KHDRBS3: variants seen among roughly 807,000 people sequenced by gnomAD.
The protein encoded by KHDRBS3 is KH domain-containing, RNA-binding, signal transduction-associated protein 3.
Under a neutral mutation model 45.6 loss-of-function variants are expected in KHDRBS3, and 23 were observed. The ratio of observed to expected loss-of-function variants is 0.50; its 90% confidence interval spans 0.36 to 0.72. The LOEUF (loss-of-function observed/expected upper bound fraction) is 0.72, where lower values mean the gene tolerates loss of function less well. KHDRBS3 is among the 30% of genes least tolerant of loss of function. The pLI, the probability that KHDRBS3 is intolerant of heterozygous loss-of-function variation, is 0.00. For synonymous variants in KHDRBS3, 162 were observed against 156.5 expected (o/e 1.04, Z -0.26); for missense variants, 352 against 424.8 (o/e 0.83, Z 1.51).
chr8:135,607,143 T>A, intron 7 of KHDRBS3, 106 bp downstream of exon 7: 6 of 786,592 alleles, frequency 7.6e-6, no homozygotes, highest in Non-Finnish European at 1.2e-5. Context: ...GTAATTGGCT[T>A]GCCCTGTTTT....
chr8:135,647,136 G>C lies in KHDRBS3; in HGVS notation c.*52G>C. ...CCAATCTCCACCAGTCCTGTATACT[G>C]TTCAAAGTAATTTTTTTCTATGAAC... is the stretch of plus-strand genomic sequence containing the variant. On this transcript the variant is annotated 3_prime_UTR_variant, in exon 9 of 9. Coordinates refer to ENST00000355849, the MANE Select transcript of KHDRBS3 (RefSeq NM_006558.3). The C allele has an allele frequency of 1.2e-6, 1 of 802,278 alleles. No homozygotes were observed. 49.7% of individuals were successfully genotyped at this position (802,278 alleles called of 1,614,324 possible).
intron 7 of KHDRBS3, among the ~76,000 whole-genome samples, chr8:135,612,274 T>A (rs996172071): frequency 6.6e-6 from 1 of 151,904 alleles, no homozygotes; most frequent in Admixed American, 6.6e-5. Flanking sequence ...AATGTAATAC[T>A]TTGTGATGCT....
chr8:135,616,226 GA>G (rs1397532344), intron 7 of KHDRBS3, among the ~76,000 whole-genome samples: 1 of 152,136 alleles, frequency 6.6e-6, no homozygotes, highest in Non-Finnish European at 1.5e-5. Context: ...ATTTGAGCTT[GA>G]CCAAAGTCAC....
downstream of KHDRBS3, chr8:135,647,827 C>T (rs747046205): frequency 3.9e-5 from 6 of 152,140 alleles, no homozygotes; most frequent in African/African-American, 2.4e-5. Flanking sequence ...CAAATGGTAT[C>T]GAGCTGCTTG....
intron 7 of KHDRBS3, among the ~76,000 whole-genome samples, chr8:135,632,253 A>C (rs562492230): frequency 2.0e-5 from 3 of 152,240 alleles, no homozygotes; most frequent in Non-Finnish European, 2.9e-5. Flanking sequence ...ACACTTGATG[A>C]GGGAATCCGT....
At chr8:135,636,740 T>C (rs1166108071) in intron 7 of KHDRBS3, among the ~76,000 whole-genome samples, 1 of 152,180 alleles carries the variant, frequency 6.6e-6, no homozygotes, top group African/African-American at 2.4e-5. Flanking sequence ...AATATCATCA[T>C]TGCCTGCGGT....
intron 7 of KHDRBS3, among the ~76,000 whole-genome samples, chr8:135,642,861 C>A (rs1016908865): frequency 1.4e-4 from 21 of 151,192 alleles, no homozygotes; most frequent in African/African-American, 5.1e-4. Flanking sequence ...GGCACAATCT[C>A]AGCTCACTGC....
intron 1 of KHDRBS3, among the ~76,000 whole-genome samples, chr8:135,505,625 C>T (rs1325271950): frequency 6.6e-6 from 1 of 151,906 alleles, no homozygotes; most frequent in Non-Finnish European, 1.5e-5. Flanking sequence ...TGAAGTGATA[C>T]AGAAATAGTA....
At chr8:135,639,396 G>A (rs529391261) in intron 7 of KHDRBS3, among the ~76,000 whole-genome samples, 1 of 152,242 alleles carries the variant, frequency 6.6e-6, no homozygotes, top group African/African-American at 2.4e-5. Context: ...AGAGGCCTGC[G>A]TATTTGAAGG....
chr8:135,587,864 A>G (rs1223770608), intron 6 of KHDRBS3, among the ~76,000 whole-genome samples: 1 of 152,192 alleles, frequency 6.6e-6, no homozygotes, highest in Non-Finnish European at 1.5e-5. Context: ...TCAGTATGGT[A>G]GTTTTATCTA....
intron 1 of KHDRBS3, chr8:135,458,933 G>C: frequency 2.2e-6 from 1 of 456,200 alleles, no homozygotes; most frequent in Non-Finnish European, 4.4e-6. Flanking sequence ...TTCCTTCCTG[G>C]GAGCAGTCTC....
At chr8:135,632,319 C>G (rs990755638) in intron 7 of KHDRBS3, among the ~76,000 whole-genome samples, 12 of 152,118 alleles carry the variant, frequency 7.9e-5, no homozygotes, top group Non-Finnish European at 1.5e-5. Context: ...GGGCTCCTCT[C>G]TCTCTGGCTG....
chr8:135,536,042 C>G, intron 2 of KHDRBS3, among the ~76,000 whole-genome samples: 1 of 152,116 alleles, frequency 6.6e-6, no homozygotes, highest in East Asian at 1.9e-4. Flanking sequence ...GATTTTTTTG[C>G]AGATAAAGCT....
intron 6 of KHDRBS3, among the ~76,000 whole-genome samples, chr8:135,585,382 C>G (rs1335222701): frequency 1.3e-5 from 2 of 152,080 alleles, no homozygotes; most frequent in African/African-American, 4.8e-5. Context: ...AGTTGGCCAT[C>G]TTTGAATATA....
intron 6 of KHDRBS3, among the ~76,000 whole-genome samples, chr8:135,600,267 G>A (rs775107123): frequency 6.6e-6 from 1 of 152,208 alleles, no homozygotes; most frequent in Admixed American, 6.5e-5. Context: ...TGCATTCTAG[G>A]TGTATAATTT....
At chr8:135,650,192 C>T (rs1831400682), downstream of KHDRBS3, among the ~76,000 whole-genome samples, 1 of 152,122 alleles carries the variant, frequency 6.6e-6, no homozygotes, top group Non-Finnish European at 1.5e-5. Flanking sequence ...GACATGGAAC[C>T]CGGTATTCAA....
At chr8:135,541,152 C>T (rs1826029829) in intron 2 of KHDRBS3, 2 of 152,048 alleles carry the variant, frequency 1.3e-5, no homozygotes, top group Non-Finnish European at 2.9e-5. Flanking sequence ...TTTAAATTCT[C>T]CAGAAAGTAA....
intron 6 of KHDRBS3, among the ~76,000 whole-genome samples, chr8:135,600,482 C>T (rs1290875555): frequency 1.3e-5 from 2 of 152,108 alleles, no homozygotes; most frequent in Non-Finnish European, 2.9e-5. Context: ...AGTTAGATGA[C>T]AATGGGATGG....
intron 1 of KHDRBS3, among the ~76,000 whole-genome samples, chr8:135,511,227 A>G (rs572697627): frequency 6.6e-6 from 1 of 152,356 alleles, no homozygotes; most frequent in African/African-American, 2.4e-5. Flanking sequence ...GTCTATAAAT[A>G]GTCATCTCCT....
Sources: gnomAD v4.1 joint callset for allele counts (sites outside exome capture counted in the v4.1 genomes callset) on GRCh38, gnomAD v4.1.1 for gene constraint, MANE v1.5 for transcripts, NCBI Gene and HGNC (gene_info 2026-07-23, HGNC 2026-07-21) for gene names.